CDH20: variants seen among roughly 807,000 people sequenced by gnomAD.
CDH20 encodes cadherin 20, also known as cadherin-20.
In CDH20, 29 loss-of-function variants were observed where a neutral mutation model predicts 74.2. That is an observed-to-expected ratio of 0.39 (90% CI 0.29 to 0.53). CDH20 has a LOEUF of 0.53. Among genes scored for constraint, CDH20 ranks in the 20% least tolerant of loss-of-function variants. The pLI, the probability that CDH20 is intolerant of heterozygous loss-of-function variation, is 0.69. For missense variants in CDH20, 988 were observed against 1,048.3 expected (o/e 0.94, Z 0.79); for synonymous variants, 469 against 405.4 (o/e 1.16, Z -1.88).
chr18:61,479,930 T>C (rs1010301249), intron 1 of CDH20, among the ~76,000 whole-genome samples: 1 of 152,196 alleles, frequency 6.6e-6, no homozygotes, highest in African/African-American at 2.4e-5. Flanking sequence ...TCATTAGTAA[T>C]ACTAGGTGCT....
chr18:61,490,990 T>G (rs553845479), intron 2 of CDH20, among the ~76,000 whole-genome samples, 191 bp downstream of exon 2: 2 of 152,324 alleles, frequency 1.3e-5, no homozygotes, highest in South Asian at 4.1e-4. Flanking sequence ...ATTTATTTCC[T>G]TGTCCATGTC....
rs779280150 is a variant in CDH20, at chr18:61,503,108, C to T, written c.817C>T (p.Arg273Cys). Residue 273 changes from arginine to cysteine, a missense_variant, in exon 5 of 12, where the codon CGC (arginine) becomes TGC (cysteine). Physicochemically the swap from Arg to Cys is radical, Grantham distance 180. This residue lies in a region of CDH20 where 613 missense variants were observed against 755.2 expected (regional missense o/e 0.81). Transcript: ENST00000262717. ...TLSDVNDNPP[R>C]FPQKHYQMSV... ...CTCAGATGTCAATGATAACCCACCC[C>T]GCTTTCCCCAGAGTGAGTACCTAAC... 16 of 1,608,594 alleles carry T rather than the reference C, an allele frequency of 9.9e-6. No individual in the cohort carries two copies. The highest frequency in any genetic ancestry group is 1.3e-5 in the African/African-American group (1 of 74,760).
At chr18:61,525,780 G>A (rs1233763220) in intron 6 of CDH20, among the ~76,000 whole-genome samples, 1 of 152,058 alleles carries the variant, frequency 6.6e-6, no homozygotes, top group Non-Finnish European at 1.5e-5. Flanking sequence ...CATGTACCCT[G>A]AAAATATGTA....
intron 1 of CDH20, among the ~76,000 whole-genome samples, chr18:61,376,079 A>G (rs548446465): frequency 6.6e-6 from 1 of 152,272 alleles, no homozygotes; most frequent in African/African-American, 2.4e-5. Flanking sequence ...TTCATCTATA[A>G]TTCTCAGAAA....
At chr18:61,504,333 T>G (rs747079099) in intron 5 of CDH20, among the ~76,000 whole-genome samples, 1 of 152,150 alleles carries the variant, frequency 6.6e-6, no homozygotes, top group African/African-American at 2.4e-5. Flanking sequence ...TGAGGAAACA[T>G]GGACTTCTGC....
At chr18:61,339,390 C>CACAT (rs1491572549) in intron 1 of CDH20, among the ~76,000 whole-genome samples, 3 of 147,482 alleles carry the variant, frequency 2.0e-5, no homozygotes, top group Non-Finnish European at 3.0e-5. Context: ...CACACACACA[C>CACAT]ATATATATTG....
At chr18:61,480,410 A>C (rs1220592822) in intron 1 of CDH20, among the ~76,000 whole-genome samples, 1 of 152,154 alleles carries the variant, frequency 6.6e-6, no homozygotes, top group Admixed American at 6.5e-5. Flanking sequence ...GCACAGCTTG[A>C]TTTTATACAT....
intron 1 of CDH20, among the ~76,000 whole-genome samples, chr18:61,419,086 C>A (rs1321082485): frequency 6.6e-6 from 1 of 152,064 alleles, no homozygotes; most frequent in Non-Finnish European, 1.5e-5. Flanking sequence ...CTTTTTAAGA[C>A]AGGATCTTGC....
At chr18:61,422,626 C>G (rs1466161658) in intron 1 of CDH20, among the ~76,000 whole-genome samples, 2 of 151,988 alleles carry the variant, frequency 1.3e-5, no homozygotes, top group African/African-American at 4.8e-5. Context: ...TTTTACTCAG[C>G]ATGGGAGCCA....
chr18:61,421,433 C>T (rs1912875301), intron 1 of CDH20, among the ~76,000 whole-genome samples: 1 of 152,070 alleles, frequency 6.6e-6, no homozygotes, highest in Admixed American at 6.6e-5. Context: ...AAAAGAAGTC[C>T]CAGATCTAAA....
chr18:61,503,143 C>A (rs759456972), intron 5 of CDH20, 23 bp downstream of exon 5: 1 of 1,556,322 alleles, frequency 6.4e-7, no homozygotes, highest in East Asian at 2.3e-5. Context: ...CCCAAGAGAG[C>A]ACAGACCTCG....
chr18:61,384,711 C>T (rs536777169), intron 1 of CDH20, among the ~76,000 whole-genome samples: 16 of 152,090 alleles, frequency 1.1e-4, no homozygotes, highest in African/African-American at 3.1e-4. Flanking sequence ...TGGATAACAT[C>T]CAGCTTAAGG....
chr18:61,509,954 G>C (rs893850815), intron 6 of CDH20, among the ~76,000 whole-genome samples: 13 of 152,198 alleles, frequency 8.5e-5, no homozygotes, highest in African/African-American at 3.1e-4. Flanking sequence ...CATTAACTGA[G>C]ACAGGGAAGT....
intron 8 of CDH20, among the ~76,000 whole-genome samples, chr18:61,538,608 GTTT>G (rs1449356386): frequency 5.5e-5 from 2 of 36,316 alleles, no homozygotes; most frequent in African/African-American, 1.4e-4. Flanking sequence ...TTTTGTTTTT[GTTT>G]TTGTTTTTGT....
At chr18:61,384,993 C>T (rs949958822) in intron 1 of CDH20, among the ~76,000 whole-genome samples, 1 of 152,146 alleles carries the variant, frequency 6.6e-6, no homozygotes, top group African/African-American at 2.4e-5. Context: ...GATGCATTAT[C>T]TCCTTTTACC....
Position 61,336,460 on chromosome 18 carries a change from C to T in CDH20, c.-153+2633C>T, listed in dbSNP as rs144932911. On this transcript the variant is annotated intron_variant, in intron 1 of 11. Transcript: ENST00000262717. Reference sequence around the variant, plus strand: ...TGTAAATATCCCCCAAGTTCTGAAGCTTCTCAAAGACCTGCAGCTGTTGGT... The same window carrying T: ...TGTAAATATCCCCCAAGTTCTGAAGTTTCTCAAAGACCTGCAGCTGTTGGT... Among the ~76,000 whole-genome samples, 501 of 152,320 alleles carry T rather than the reference C, an allele frequency of 3.3e-3. 6 individuals are homozygous for T. The highest frequency in any genetic ancestry group is 0.011 in the African/African-American group (478 of 41,570).
chr18:61,537,219 G>A (rs1275117395), intron 8 of CDH20, among the ~76,000 whole-genome samples: 1 of 151,786 alleles, frequency 6.6e-6, no homozygotes, highest in East Asian at 1.9e-4. Context: ...AAAAATGGCA[G>A]TCCCTAACCT....
chr18:61,541,400 T>C (rs1913033128), intron 9 of CDH20, among the ~76,000 whole-genome samples: 1 of 152,078 alleles, frequency 6.6e-6, no homozygotes, highest in Non-Finnish European at 1.5e-5. Context: ...GCAGAGTAAA[T>C]TAAACCTCCT....
intron 1 of CDH20, among the ~76,000 whole-genome samples, chr18:61,466,086 C>CTATATATA (rs35791225): frequency 2.8e-5 from 4 of 142,310 alleles, no homozygotes; most frequent in African/African-American, 1.1e-4. Context: ...TCTCATTAAG[C>CTATATATA]TATATATATA....
Sources: allele counts gnomAD v4.1 joint callset (sites outside exome capture counted in the v4.1 genomes callset), GRCh38; gene constraint gnomAD v4.1.1; regional missense constraint gnomAD v4.1.1; transcripts MANE v1.5; gene names NCBI Gene and HGNC (gene_info 2026-07-23, HGNC 2026-07-21).